The following SLC19A1 variants were observed in gnomAD, a reference collection of about 807,000 sequenced individuals.
SLC19A1 encodes the protein reduced folate transporter.
Under a neutral mutation model 35.3 loss-of-function variants are expected in SLC19A1, and 37 were observed. The observed-to-expected ratio is 1.05, with a 90% CI of 0.81 to 1.38. The LOEUF is 1.38. Among genes scored for constraint, SLC19A1 ranks in the 40% most tolerant of loss-of-function variants. The pLI is 0.00. For synonymous variants in SLC19A1, 460 were observed against 398.5 expected (o/e 1.15, Z -1.84); for missense variants, 831 against 826.9 (o/e 1.00, Z -0.06).
chr21:45,505,594 A>G (rs1038619049), intron 3 of SLC19A1, among the ~76,000 whole-genome samples: 31 of 152,094 alleles, frequency 2.0e-4, no homozygotes, highest in African/African-American at 7.5e-4. Flanking sequence ...TGGGGGAATC[A>G]GGTGGACCCA....
chr21:45,525,808 T>G lies in SLC19A1; in HGVS notation c.1293+9A>C. On this transcript the variant is annotated intron_variant, in intron 5 of 5. Coordinates refer to ENST00000311124, the MANE Select transcript of SLC19A1 (RefSeq NM_194255.4). ...CATCCCCGAGGACGCAGGCCTGAAA[T>G]GGGCTCACCTGCTTGCGGACCGGGA... 6.2e-7 allele frequency: 1 copy of G among 1,612,814 alleles called. No homozygotes were observed.
At chr21:45,562,696 C>G (rs1161152989) in intron 1 of SLC19A1, among the ~76,000 whole-genome samples, 3 of 152,154 alleles carry the variant, frequency 2.0e-5, no homozygotes, top group Non-Finnish European at 4.4e-5. Context: ...CAAAGATGGC[C>G]ATAAACCACA....
rs1406470805 is a variant in SLC19A1, at chr21:45,554,615, G to C, written c.-50+8127C>G. Among the ~76,000 whole-genome samples the C allele has an allele frequency of 4.8e-5, 7 of 144,468 alleles. No homozygotes were observed. In the Admixed American group the frequency reaches 4.8e-4, roughly 10 times the overall value. The allele number at this position is 144,468 out of a possible 152,430, so 94.8% of individuals were successfully genotyped here. On this transcript the variant is annotated intron_variant, in intron 1 of 5. Transcript: ENST00000650808. ...GGGGCACTCAGCATCGTGTCTCCAG[G>C]TCCCTGCACGGGGCAGCGGCGTGGA...
At chr21:45,504,357 G>A in intron 3 of SLC19A1, 7 of 1,558,606 alleles carry the variant, frequency 4.5e-6, no homozygotes, top group Non-Finnish European at 6.1e-6. Context: ...GGGGATGGGA[G>A]GCCACCTGTG....
intron 4 of SLC19A1, among the ~76,000 whole-genome samples, chr21:45,529,660 G>A (rs1471692799): frequency 3.3e-5 from 5 of 151,362 alleles, no homozygotes; most frequent in South Asian, 2.1e-4. Context: ...ATGTGTGAAC[G>A]TGTGGTGTGT....
chr21:45,516,645 T>C (rs2037962530), intron 5 of SLC19A1, among the ~76,000 whole-genome samples: 1 of 152,314 alleles, frequency 6.6e-6, no homozygotes, highest in South Asian at 2.1e-4. Context: ...TGTGCTACGA[T>C]GACCAGAAGG....
chr21:45,539,670 G>A (rs1439031849), intron 1 of SLC19A1, among the ~76,000 whole-genome samples: 4 of 152,236 alleles, frequency 2.6e-5, no homozygotes, highest in African/African-American at 9.6e-5. Flanking sequence ...GTGGCCTTCA[G>A]GGACCAGAGA....
chr21:45,552,866 C>T (rs568641189), intron 1 of SLC19A1, among the ~76,000 whole-genome samples: 56 of 148,362 alleles, frequency 3.8e-4, no homozygotes, highest in South Asian at 8.7e-4. Context: ...TCAAAACACA[C>T]GACGGCTGTG....
chr21:45,512,065 C>A, downstream of SLC19A1: 1 of 1,059,304 alleles, frequency 9.4e-7, no homozygotes, highest in Non-Finnish European at 1.4e-6. Flanking sequence ...GTTGTGGGAG[C>A]CTCTGCAGCC....
intron 5 of SLC19A1, among the ~76,000 whole-genome samples, chr21:45,516,544 G>A (rs2037955185): frequency 6.6e-6 from 1 of 152,232 alleles, no homozygotes; most frequent in Non-Finnish European, 1.5e-5. Flanking sequence ...AGCCACAGCA[G>A]GTGACCAGGA....
intron 4 of SLC19A1, among the ~76,000 whole-genome samples, chr21:45,529,485 G>A (rs1193191256): frequency 1.3e-5 from 2 of 152,328 alleles, no homozygotes; most frequent in South Asian, 2.1e-4. Context: ...GAAAGAGGGG[G>A]CAGGTCCAGG....
chr21:45,516,804 C>T (rs760165368), intron 5 of SLC19A1, among the ~76,000 whole-genome samples: 2 of 152,146 alleles, frequency 1.3e-5, no homozygotes, highest in African/African-American at 2.4e-5. Flanking sequence ...TCAGGACATC[C>T]GTGGGCAGAG....
At chr21:45,508,457 G>A (rs1216309170), downstream of SLC19A1, among the ~76,000 whole-genome samples, 1 of 143,978 alleles carries the variant, frequency 6.9e-6, no homozygotes, top group Non-Finnish European at 1.5e-5. Context: ...GTGAGTGGAT[G>A]GGTGGATGGA....
Position 45,523,546 on chromosome 21 carries a change from GAAGCCCACCGTGA to G in SLC19A1, c.1293+2258_1293+2270del, listed in dbSNP as rs1255052327. Among the ~76,000 whole-genome samples the G allele has an allele frequency of 1.3e-4, 20 of 152,334 alleles. 1 individual carries two copies. Among genetic ancestry groups the G allele is most frequent in the African/African-American group, 4.1e-4 (17 of 41,588 alleles). On this transcript the variant is annotated intron_variant, in intron 5 of 5. Transcript: ENST00000311124. ...TGCACCAAGCCCCCATGGGCCCTTA[GAAGCCCACCGTGA>G]GGGGTCCCCTCCACAGGGCAGCTAC...
downstream of SLC19A1, among the ~76,000 whole-genome samples, chr21:45,508,300 G>A (rs1266165200): frequency 6.7e-6 from 1 of 150,180 alleles, no homozygotes; most frequent in Non-Finnish European, 1.5e-5. Flanking sequence ...AGGTGGATGG[G>A]TGGTTGCTGG....
chr21:45,503,461 A>C (rs1295932138), intron 3 of SLC19A1, among the ~76,000 whole-genome samples: 1 of 152,170 alleles, frequency 6.6e-6, no homozygotes, highest in Admixed American at 6.5e-5. Flanking sequence ...CAGCCATAAA[A>C]AATGATGAGT....
chr21:45,523,768 G>T lies in SLC19A1; in HGVS notation c.1293+2049C>A, dbSNP rs544425001. On this transcript the variant is annotated intron_variant, in intron 5 of 5. Coordinates refer to ENST00000311124, the MANE Select transcript of SLC19A1 (RefSeq NM_194255.4). ...CCTGGCTGGGGCCACACAGGGCCCT[G>T]AGGGTCTCCCTGGGACGGGCACTCC... is the stretch of plus-strand genomic sequence containing the variant. Among the ~76,000 whole-genome samples, 6 of 152,336 alleles carry T rather than the reference G, an allele frequency of 3.9e-5. No individual in the cohort carries two copies. In the South Asian group the frequency reaches 1.2e-3, roughly 32 times the overall value.
intron 1 of SLC19A1, among the ~76,000 whole-genome samples, chr21:45,549,603 C>T (rs970541803): frequency 1.1e-4 from 15 of 134,054 alleles, no homozygotes; most frequent in East Asian, 2.2e-4. Context: ...GCCTCAGCCT[C>T]GGGAGAAAAG....
In SLC19A1 at chr21:45,533,974, G is replaced by GGCACCCTGAGGTC. The variant is rs1334199546; in HGVS notation, c.190-1839_190-1827dup. On this transcript the variant is annotated intron_variant, in intron 2 of 5. Coordinates refer to ENST00000311124, the MANE Select transcript of SLC19A1 (RefSeq NM_194255.4). The surrounding 1 kb of genome is among the most constrained non-coding windows in gnomAD (Gnocchi z 4.5). ...AGGCTGCCCAGAGACCCCACCTCAG[G>GGCACCCTGAGGTC]GCACCCTGAGGTCGCACCCTGGAGC... is the stretch of plus-strand genomic sequence containing the variant. Among the ~76,000 whole-genome samples the GGCACCCTGAGGTC allele has an allele frequency of 6.6e-6, 1 of 151,920 alleles. No individual in the cohort carries two copies. The highest frequency in any genetic ancestry group is 1.9e-4 in the East Asian group (1 of 5,138).
Sources: allele counts gnomAD v4.1 joint callset (sites outside exome capture counted in the v4.1 genomes callset), GRCh38; gene constraint gnomAD v4.1.1; non-coding constraint Gnocchi (gnomAD v3.1); transcripts MANE v1.5; gene names NCBI Gene and HGNC (gene_info 2026-07-23, HGNC 2026-07-21).